The following DNAH11 variants were observed in gnomAD, a reference collection of about 807,000 sequenced individuals.
DNAH11 encodes axonemal beta dynein heavy chain 11.
In DNAH11, 442 loss-of-function variants were observed where a neutral mutation model predicts 526.0. The ratio of observed to expected loss-of-function variants is 0.84; its 90% CI spans 0.78 to 0.91. DNAH11 has a LOEUF of 0.91. DNAH11 is among the 40% of genes least tolerant of loss of function. The pLI, the probability that DNAH11 is intolerant of heterozygous loss-of-function variation, is 0.00. For missense variants in DNAH11, 6,989 were observed against 5,448.7 expected (o/e 1.28, Z -8.90); for synonymous variants, 2,461 against 1,935.9 (o/e 1.27, Z -7.12).
chr7:21,757,189 A>G (rs1288256241), intron 54 of DNAH11, among the ~76,000 whole-genome samples: 1 of 152,180 alleles, frequency 6.6e-6, no homozygotes, highest in African/African-American at 2.4e-5. Context: ...AATCCTTTAT[A>G]ATAATCACCA....
At chr7:21,715,461 T>G (rs1784621562) in intron 42 of DNAH11, among the ~76,000 whole-genome samples, 1 of 152,236 alleles carries the variant, frequency 6.6e-6, no homozygotes, top group African/African-American at 2.4e-5. Context: ...GGCATTACAA[T>G]GTAGCCATTT....
chr7:21,857,322 C>T (rs1214453227), intron 68 of DNAH11, among the ~76,000 whole-genome samples: 1 of 151,986 alleles, frequency 6.6e-6, no homozygotes, highest in Non-Finnish European at 1.5e-5. Context: ...TTAAAGAAGT[C>T]CTAACTAAAT....
At chr7:21,814,360 A>AT (rs1196430514) in intron 63 of DNAH11, among the ~76,000 whole-genome samples, 8 of 148,856 alleles carry the variant, frequency 5.4e-5, no homozygotes, top group South Asian at 2.1e-4. Context: ...TTTTTTTTTT[A>AT]TTTTTTTATT....
chr7:21,856,959 G>A lies in DNAH11; in HGVS notation c.11202+2504G>A, dbSNP rs151103143. On this transcript the variant is annotated intron_variant, in intron 68 of 81. Transcript: ENST00000409508. ...CTTTCTCTCAGCACATCTATTCAGC[G>A]CTGCACTGGAAGTTATAGTCGGTAC... Among the ~76,000 whole-genome samples, 199 of 152,244 alleles carry A rather than the reference G, an allele frequency of 1.3e-3. 1 individual carries two copies. The highest frequency in any genetic ancestry group is 4.3e-3 in the African/African-American group (178 of 41,558).
chr7:21,820,430 GTT>G (rs1790005488), intron 65 of DNAH11, among the ~76,000 whole-genome samples: 1 of 152,178 alleles, frequency 6.6e-6, no homozygotes, highest in African/African-American at 2.4e-5. Flanking sequence ...ATTACATTTT[GTT>G]TAATGCAAGA....
At chr7:21,866,358 A>ACAC (rs1783276876) in intron 70 of DNAH11, 112 bp from the exon 71 acceptor site, 1 of 958,956 alleles carries the variant, frequency 1.0e-6, no homozygotes, top group Non-Finnish European at 1.5e-6. Flanking sequence ...AGGAGAGTGA[A>ACAC]TACTATCCAG....
chr7:21,606,615 CTTTTTTTT>C, intron 19 of DNAH11, 24 bp from the exon 20 acceptor site: 20 of 1,195,012 alleles, frequency 1.7e-5, no homozygotes, highest in African/African-American at 8.9e-5. Flanking sequence ...TTGAAATTCA[CTTTTTTTT>C]TTTTTTTTTT....
intron 65 of DNAH11, among the ~76,000 whole-genome samples, chr7:21,831,449 TG>T (rs1781764567): frequency 6.6e-6 from 1 of 152,144 alleles, no homozygotes; most frequent in South Asian, 2.1e-4. Context: ...ATATAATTTT[TG>T]CCTCTCATAG....
chr7:21,598,958 G>A (rs533761810), intron 14 of DNAH11, among the ~76,000 whole-genome samples: 6 of 152,256 alleles, frequency 3.9e-5, no homozygotes, highest in Admixed American at 3.3e-4. Context: ...ATGTATACAC[G>A]TACCACATTT....
At chr7:21,739,975 T>A (rs1305807154) in intron 48 of DNAH11, among the ~76,000 whole-genome samples, 1 of 152,182 alleles carries the variant, frequency 6.6e-6, no homozygotes, top group Non-Finnish European at 1.5e-5. Flanking sequence ...GTTACAATGA[T>A]CAGCCAATAT....
chr7:21,580,115 C>T (rs56106069), intron 8 of DNAH11, among the ~76,000 whole-genome samples: 22,871 of 152,084 alleles, frequency 0.15, 1,744 homozygotes, highest in East Asian at 0.19. Context: ...ACGTGCAGTT[C>T]TAAATTTGTT....
rs2128447071 is a variant in DNAH11, at chr7:21,601,053, A to C, written c.3299A>C (p.Glu1100Ala). The C allele has an allele frequency of 6.2e-7, 1 of 1,611,508 alleles. No individual in the cohort carries two copies. The highest frequency in any genetic ancestry group is 8.5e-7 in the Non-Finnish European group (1 of 1,179,456). ...TTGTATGTTCAAATGAGCAAATTTG[A>C]GGACTTTAGAGTGTTTGATAGTTGG... ...EALYVQMSKF[E>A]DFRVFDSWFK... is the part of the protein sequence containing the mutation. The change falls in exon 17 of 82, where the codon GAG becomes GCG. Residue 1100 changes from glutamate to alanine, a missense_variant. By Grantham distance (107) the Glu-to-Ala change is moderately radical (BLOSUM62 -1). Transcript: ENST00000409508.
chr7:21,735,667 G>A lies in DNAH11; in HGVS notation c.7468G>A (p.Ala2490Thr). The stretch of plus-strand genomic sequence containing the variant: ...AGTTCTCGTTCACACAACAGAGACA[G>A]CTCGTCTTAGATATTTCATGGAGTT... ...QTVLVHTTET[A>T]RLRYFMELLL... The change falls in exon 46 of 82, where the codon GCT becomes ACT. Residue 2490 changes from alanine (A) to threonine (T), a missense_variant. Coordinates refer to ENST00000409508, the MANE Select transcript of DNAH11 (RefSeq NM_001277115.2). 1 of 1,603,164 alleles carries A rather than the reference G, an allele frequency of 6.2e-7. No individual in the cohort carries two copies. Among genetic ancestry groups the A allele is most frequent in the East Asian group, 2.2e-5 (1 of 44,718 alleles).
At chr7:21,761,361 T>A (rs1466952969) in intron 54 of DNAH11, among the ~76,000 whole-genome samples, 2 of 152,296 alleles carry the variant, frequency 1.3e-5, no homozygotes. Flanking sequence ...CAGAGTCTGG[T>A]TTAGCTGATA....
Position 21,765,415 on chromosome 7 carries a change from C to T in DNAH11, c.8941-13C>T, listed in dbSNP as rs747082286. On this transcript the variant is annotated splice_polypyrimidine_tract_variant and intron_variant, in intron 54 of 81. Transcript: ENST00000409508. Reference sequence around the variant, plus strand: ...CACCCGCCTGTTTCTGCCTTGCCCCCATGTCTCCACAGATCATTTTGTGTT... The same window carrying T: ...CACCCGCCTGTTTCTGCCTTGCCCCTATGTCTCCACAGATCATTTTGTGTT... 3 of 1,613,560 alleles carry T rather than the reference C, an allele frequency of 1.9e-6. No individual in the cohort carries two copies. Among genetic ancestry groups the T allele is most frequent in the South Asian group, 2.2e-5 (2 of 91,058 alleles).
chr7:21,664,876 G>T (rs1452506414), intron 30 of DNAH11, among the ~76,000 whole-genome samples: 2 of 152,080 alleles, frequency 1.3e-5, no homozygotes, highest in African/African-American at 4.8e-5. Context: ...CCAACTTTCT[G>T]CCTTGCTTGA....
chr7:21,652,859 T>C (rs895910388), intron 28 of DNAH11, among the ~76,000 whole-genome samples: 1 of 143,254 alleles, frequency 7.0e-6, no homozygotes, highest in African/African-American at 2.4e-5. Flanking sequence ...GAAGTATTAG[T>C]TTTTTTTAAT....
At chr7:21,737,936 A>G (rs1232830292) in intron 46 of DNAH11, among the ~76,000 whole-genome samples, 1 of 152,126 alleles carries the variant, frequency 6.6e-6, no homozygotes, top group Non-Finnish European at 1.5e-5. Context: ...GTGTTTATTT[A>G]TTTATGATTC....
intron 45 of DNAH11, among the ~76,000 whole-genome samples, chr7:21,726,510 G>T (rs1476711429): frequency 6.6e-6 from 1 of 151,254 alleles, no homozygotes; most frequent in Non-Finnish European, 1.5e-5. Context: ...AAGTTATTGT[G>T]TTAATATGCT....
Sources: allele counts gnomAD v4.1 joint callset (sites outside exome capture counted in the v4.1 genomes callset), GRCh38; gene constraint gnomAD v4.1.1; transcripts MANE v1.5; gene names NCBI Gene and HGNC (gene_info 2026-07-23, HGNC 2026-07-21).